GPC6: variants seen among roughly 807,000 people sequenced by gnomAD.
The protein encoded by GPC6 is glypican-6.
Under a neutral mutation model 55.2 loss-of-function variants are expected in GPC6, and 14 were observed. The ratio of observed to expected loss-of-function variants is 0.25; its 90% confidence interval spans 0.17 to 0.40. The LOEUF is 0.40. GPC6 is among the 10% of genes least tolerant of loss of function. The probability of loss-of-function intolerance (pLI) is 1.00; values close to 1 mark genes in which losing one functional copy is unlikely to be tolerated. For synonymous variants in GPC6, 278 were observed against 259.6 expected, an observed-to-expected ratio of 1.07 and a Z score of -0.68; for missense variants, 641 against 708.5, an observed-to-expected ratio of 0.90 and a Z score of 1.08.
chr13:94,397,319 G>A (rs1263884323), intron 7 of GPC6, among the ~76,000 whole-genome samples: 1 of 151,968 alleles, frequency 6.6e-6, no homozygotes, highest in Non-Finnish European at 1.5e-5. Flanking sequence ...GTCAGAGAGG[G>A]CCCCAAGCAC....
intron 4 of GPC6, among the ~76,000 whole-genome samples, chr13:94,283,193 A>G (rs1245117022): frequency 6.6e-6 from 1 of 152,222 alleles, no homozygotes; most frequent in African/African-American, 2.4e-5. Context: ...CAGTACCTGG[A>G]GGTGGTGACT....
chr13:93,701,168 A>G (rs1324891140), intron 2 of GPC6, among the ~76,000 whole-genome samples: 1 of 152,084 alleles, frequency 6.6e-6, no homozygotes, highest in Non-Finnish European at 1.5e-5. Context: ...TTCTGCATAT[A>G]AGCACAACAC....
At chr13:93,499,294 A>G (rs1165937442) in intron 1 of GPC6, among the ~76,000 whole-genome samples, 1 of 152,210 alleles carries the variant, frequency 6.6e-6, no homozygotes. Context: ...GTTGTCAGAG[A>G]TCCAAATTCA....
intron 1 of GPC6, among the ~76,000 whole-genome samples, chr13:93,380,827 C>T (rs893794820): frequency 2.6e-5 from 4 of 152,118 alleles, no homozygotes; most frequent in African/African-American, 9.7e-5. Context: ...CTAGCAAAGA[C>T]ACCCCATGCA....
At chr13:93,274,230 C>A (rs1226404116) in intron 1 of GPC6, among the ~76,000 whole-genome samples, 1 of 152,154 alleles carries the variant, frequency 6.6e-6, no homozygotes, top group Non-Finnish European at 1.5e-5. Flanking sequence ...ATCTACTAAA[C>A]ATGAACTACA....
At chr13:94,250,194 C>A (rs1323513939) in intron 4 of GPC6, among the ~76,000 whole-genome samples, 1 of 152,136 alleles carries the variant, frequency 6.6e-6, no homozygotes, top group African/African-American at 2.4e-5. Context: ...GTGCAGCAAA[C>A]ACTTTAATTT....
At chr13:93,956,578 C>A (rs1413315983) in intron 3 of GPC6, among the ~76,000 whole-genome samples, 1 of 152,158 alleles carries the variant, frequency 6.6e-6, no homozygotes, top group East Asian at 1.9e-4. Flanking sequence ...CTGCTCTTTC[C>A]ACTTTCGCCC....
chr13:93,499,928 CTG>C (rs1190500144), intron 1 of GPC6, among the ~76,000 whole-genome samples: 1 of 152,142 alleles, frequency 6.6e-6, no homozygotes, highest in Non-Finnish European at 1.5e-5. Context: ...GGATGAGTGT[CTG>C]TGGAGGCTTT....
At chr13:94,125,397 A>T (rs1451963052) in intron 4 of GPC6, among the ~76,000 whole-genome samples, 5 of 151,848 alleles carry the variant, frequency 3.3e-5, no homozygotes, top group Non-Finnish European at 7.4e-5. Context: ...TGCCATGTGC[A>T]TTTTTTTTCC....
intron 1 of GPC6, among the ~76,000 whole-genome samples, chr13:93,318,370 T>C (rs1325040061): frequency 6.6e-6 from 1 of 152,046 alleles, no homozygotes; most frequent in Non-Finnish European, 1.5e-5. Context: ...GTAATATGAG[T>C]AGTATAGTTC....
chr13:94,370,280 G>A (rs559621546), intron 6 of GPC6, among the ~76,000 whole-genome samples: 139 of 152,312 alleles, frequency 9.1e-4, no homozygotes, highest in African/African-American at 3.1e-3. Flanking sequence ...TAGCAGCGAA[G>A]CCTTATTTGC....
At chr13:93,641,402 T>C (rs1463529035) in intron 2 of GPC6, among the ~76,000 whole-genome samples, 4 of 152,136 alleles carry the variant, frequency 2.6e-5, no homozygotes, top group Non-Finnish European at 4.4e-5. Context: ...GGGGTTTCAC[T>C]TGTGGCCCCC....
At chr13:93,352,488 G>GA (rs1244770415) in intron 1 of GPC6, among the ~76,000 whole-genome samples, 1 of 152,046 alleles carries the variant, frequency 6.6e-6, no homozygotes, top group Admixed American at 6.6e-5. Context: ...TATATTTTAC[G>GA]AATTTTGTTG....
intron 1 of GPC6, among the ~76,000 whole-genome samples, chr13:93,360,069 T>C (rs556843011): frequency 3.7e-4 from 57 of 152,186 alleles, no homozygotes; most frequent in Middle Eastern, 3.4e-3. Context: ...GTAAAGAAAA[T>C]GTCTAGTTCC....
intron 4 of GPC6, among the ~76,000 whole-genome samples, chr13:94,131,133 A>C (rs537869690): frequency 6.6e-6 from 1 of 152,118 alleles, no homozygotes; most frequent in Non-Finnish European, 1.5e-5. Context: ...CAACATAATT[A>C]AGATTCCTAA....
intron 4 of GPC6, among the ~76,000 whole-genome samples, chr13:94,083,997 C>T (rs956632754): frequency 3.9e-5 from 6 of 152,114 alleles, no homozygotes; most frequent in East Asian, 1.9e-4. Flanking sequence ...TTTATCCAAA[C>T]GAAAATGGCT....
At chr13:94,314,618 A>G (rs1876424837) in intron 6 of GPC6, among the ~76,000 whole-genome samples, 1 of 152,208 alleles carries the variant, frequency 6.6e-6, no homozygotes, top group Admixed American at 6.6e-5. Context: ...ATCAGTTGAC[A>G]TAGATCTTTT....
At chr13:93,824,205 T>C (rs1469916230) in intron 2 of GPC6, among the ~76,000 whole-genome samples, 2 of 152,200 alleles carry the variant, frequency 1.3e-5, no homozygotes, top group African/African-American at 4.8e-5. Context: ...TAATTGCTTT[T>C]TAAAAAAACT....
chr13:93,433,585 G>A (rs1248718747), intron 1 of GPC6, among the ~76,000 whole-genome samples: 4 of 152,112 alleles, frequency 2.6e-5, no homozygotes, highest in African/African-American at 9.7e-5. Flanking sequence ...ATTGAGAAAT[G>A]TGGGACTACA....
Sources: allele counts gnomAD v4.1 joint callset (sites outside exome capture counted in the v4.1 genomes callset), GRCh38; gene constraint gnomAD v4.1.1; transcripts MANE v1.5; gene names NCBI Gene and HGNC (gene_info 2026-07-23, HGNC 2026-07-21).